DMXL1: variants seen among roughly 807,000 people sequenced by gnomAD.
The protein encoded by DMXL1 is dmX-like protein 1.
Under a neutral mutation model 319.2 loss-of-function variants are expected in DMXL1, and 99 were observed. The ratio of observed to expected loss-of-function variants is 0.31; its 90% CI spans 0.26 to 0.37. DMXL1 has a LOEUF of 0.37. DMXL1 is among the 10% of genes least tolerant of loss of function. The pLI, the probability that DMXL1 is intolerant of heterozygous loss-of-function variation, is 1.00. For missense variants in DMXL1, 3,745 were observed against 3,595.6 expected (o/e 1.04, Z -1.06); for synonymous variants, 1,385 against 1,235.2 (o/e 1.12, Z -2.54).
rs148648457 is a variant in DMXL1, at chr5:119,177,500, A to G, written c.6886+16A>G. ...CAATGGCCAGGTATAATTTTTATGT[A>G]TAGATCAGTTTTTTCTTAGTCTTAT... On this transcript the variant is annotated intron_variant, in intron 27 of 43. Transcript: ENST00000539542. The G allele has an allele frequency of 1.9e-6, 3 of 1,578,932 alleles. No individual in the cohort carries two copies. Among genetic ancestry groups the G allele is most frequent in the Non-Finnish European group, 2.6e-6 (3 of 1,166,564 alleles).
At chr5:119,124,450 A>G (rs777056188) in intron 9 of DMXL1, among the ~76,000 whole-genome samples, 2 of 152,102 alleles carry the variant, frequency 1.3e-5, no homozygotes, top group African/African-American at 4.8e-5. Context: ...TAAGCAGTCC[A>G]TCTTAGAATT....
At chr5:119,097,119 G>T (rs2149777371) in intron 1 of DMXL1, among the ~76,000 whole-genome samples, 1 of 152,288 alleles carries the variant, frequency 6.6e-6, no homozygotes, top group Non-Finnish European at 1.5e-5. Flanking sequence ...AACACCTTGA[G>T]ATGTAAAAAG....
At chr5:119,146,663 C>T (rs1768612060) in intron 15 of DMXL1, among the ~76,000 whole-genome samples, 174 bp from the exon 16 acceptor site, 1 of 151,978 alleles carries the variant, frequency 6.6e-6, no homozygotes, top group South Asian at 2.1e-4. Flanking sequence ...TAAGTTAATA[C>T]AAATTCATGT....
At chr5:119,202,001 A>G (rs1780793471) in intron 32 of DMXL1, among the ~76,000 whole-genome samples, 1 of 151,720 alleles carries the variant, frequency 6.6e-6, no homozygotes, top group South Asian at 2.1e-4. Flanking sequence ...CTGTCTTACT[A>G]ATTTTTTCAA....
chr5:119,226,608 T>G (rs567374409), intron 38 of DMXL1, among the ~76,000 whole-genome samples: 1 of 152,286 alleles, frequency 6.6e-6, no homozygotes, highest in Non-Finnish European at 1.5e-5. Context: ...TATAATTTGG[T>G]TTAATTATGA....
chr5:119,210,705 G>T (rs1252221692), intron 34 of DMXL1, among the ~76,000 whole-genome samples: 3 of 141,750 alleles, frequency 2.1e-5, no homozygotes, highest in African/African-American at 7.7e-5. Context: ...GTCATGTATT[G>T]TAAGTCATTC....
chr5:119,117,420 T>C (rs1313192060), intron 7 of DMXL1, among the ~76,000 whole-genome samples: 1 of 152,170 alleles, frequency 6.6e-6, no homozygotes, highest in Non-Finnish European at 1.5e-5. Flanking sequence ...TTCACTGTTC[T>C]ATGAATTTTG....
At chr5:119,197,610 C>T in intron 31 of DMXL1, 145 bp from the exon 32 acceptor site, 1 of 741,944 alleles carries the variant, frequency 1.3e-6, no homozygotes, top group Middle Eastern at 3.7e-4. Flanking sequence ...TGCACATCTT[C>T]CCTGCCAAAG....
At chr5:119,072,304 G>A (rs916486791) in intron 1 of DMXL1, among the ~76,000 whole-genome samples, 6 of 151,974 alleles carry the variant, frequency 3.9e-5, no homozygotes, top group Admixed American at 1.3e-4. Flanking sequence ...CAAGAAGAGG[G>A]CACCAAATTT....
chr5:119,173,776 G>GTA (rs758312462), intron 25 of DMXL1, among the ~76,000 whole-genome samples: 2,899 of 67,126 alleles, frequency 0.043, 345 homozygotes, highest in African/African-American at 0.064. Context: ...ATGTGTGTGT[G>GTA]TATATATATA....
chr5:119,212,790 T>C lies in DMXL1; in HGVS notation c.7927-4111T>C, dbSNP rs556108519. Among the ~76,000 whole-genome samples, 4 of 152,300 alleles carry C rather than the reference T, an allele frequency of 2.6e-5. No individual in the cohort carries two copies. The East Asian group carries it at 7.7e-4, about 29-fold the overall frequency. On this transcript the variant is annotated intron_variant, in intron 34 of 43. Coordinates refer to ENST00000539542, the MANE Select transcript of DMXL1 (RefSeq NM_001290321.3). ...CTATAATGTTATGTTGTGAGGCCTTTAACAAATAAAATTACATTCATAGCA... is the reference window on the plus strand; with the variant it reads ...CTATAATGTTATGTTGTGAGGCCTTCAACAAATAAAATTACATTCATAGCA...
intron 34 of DMXL1, among the ~76,000 whole-genome samples, chr5:119,213,678 G>T (rs910020023): frequency 6.6e-6 from 1 of 152,096 alleles, no homozygotes. Context: ...GAATGTCTCT[G>T]TGATCCTTTC....
rs1171908544 is a variant in DMXL1, at chr5:119,071,467, A to G, written c.-103A>G. ...GCCTGTCGCTGCTTCTGCCGTCGCC[A>G]CCGAAGAGCGGCCGCCGCCCCTGAG... On this transcript the variant is annotated 5_prime_UTR_variant, in exon 1 of 44. Coordinates refer to ENST00000539542, the MANE Select transcript of DMXL1 (RefSeq NM_001290321.3). 1 of 1,189,388 alleles carries G rather than the reference A, an allele frequency of 8.4e-7. No individual in the cohort carries two copies. The highest frequency in any genetic ancestry group is 2.7e-5 in the East Asian group (1 of 37,514). The allele number at this position is 1,189,388 out of a possible 1,614,324, so 73.7% of individuals were successfully genotyped here. A position where few individuals can be genotyped will look rare whatever the true frequency, so the allele number is the denominator to read the frequency against.
rs1050984522 is a variant in DMXL1, at chr5:119,101,784, G to A, written c.214-151G>A. 6.7e-5 allele frequency: 41 copies of A among 613,868 alleles called. 1 individual carries two copies. In the Admixed American group the frequency reaches 9.9e-4, roughly 15 times the overall value. The allele number at this position is 613,868 out of a possible 1,614,324, so 38.0% of individuals were successfully genotyped here. Reference sequence around the variant, plus strand: ...GCAGTTCTAGGATTCTAATGCAGATGTGATAGTCTTCAAAACTGACATTCT... The same window carrying A: ...GCAGTTCTAGGATTCTAATGCAGATATGATAGTCTTCAAAACTGACATTCT... On this transcript the variant is annotated intron_variant, in intron 2 of 43. Transcript: ENST00000539542.
rs1228709185 is a variant in DMXL1, at chr5:119,101,937, T to G, written c.216T>G (p.Ile72Met). ...AATTCTTTTTTTCTTTTTAAAAGATTGCAGCGTCTTATGGAAATGTTATCT... is the reference window on the plus strand; with the variant it reads ...AATTCTTTTTTTCTTTTTAAAAGATGGCAGCGTCTTATGGAAATGTTATCT... ...CVDCSMQQGK[I>M]AASYGNVISI... is the part of the protein sequence containing the mutation. The change falls in exon 3 of 44, where the codon ATT becomes ATG. Residue 72 changes from isoleucine (I) to methionine (M), a missense_variant and splice_region_variant. Physicochemically the swap from Ile to Met is conservative, Grantham distance 10. Around this residue, in one of 4 missense-constraint regions of DMXL1, gnomAD observed 2,096 missense variants for 1,985.4 expected, o/e 1.06. Coordinates refer to ENST00000539542, the MANE Select transcript of DMXL1 (RefSeq NM_001290321.3). 1 of 1,594,254 alleles carries G rather than the reference T, an allele frequency of 6.3e-7. No homozygotes were observed. The highest frequency in any genetic ancestry group is 8.5e-7 in the Non-Finnish European group (1 of 1,170,612).
rs1284186707 is a variant in DMXL1 at position 119,175,267 on chromosome 5, G to C, written c.6688G>C (p.Val2230Leu). The C allele has an allele frequency of 6.2e-7, 1 of 1,608,258 alleles. No homozygotes were observed. Among genetic ancestry groups the C allele is most frequent in the Non-Finnish European group, 8.5e-7 (1 of 1,177,094 alleles). ...TTTTGTTTTTGTTTTCCAGGTGTATGTAATGCATACTTTAGCAGCTTCACT... is the reference window on the plus strand; with the variant it reads ...TTTTGTTTTTGTTTTCCAGGTGTATCTAATGCATACTTTAGCAGCTTCACT... ...HPDIQSNKVYVMHTLAASLSA... is the reference protein window; with the variant it reads ...HPDIQSNKVYLMHTLAASLSA... The change falls in exon 26 of 44, where the codon GTA (valine) becomes CTA (leucine). Residue 2230 changes from valine to leucine, a missense_variant. Transcript: ENST00000539542.
intron 2 of DMXL1, chr5:119,100,515 C>G (rs1033842391): frequency 6.6e-6 from 1 of 151,658 alleles, no homozygotes; most frequent in Non-Finnish European, 1.5e-5. Context: ...TACTGTACTA[C>G]CACCTAATTC....
chr5:119,147,037 T>C (rs567921564), intron 16 of DMXL1, 81 bp downstream of exon 16: 1 of 1,503,736 alleles, frequency 6.7e-7, no homozygotes, highest in East Asian at 2.3e-5. Context: ...ATTTGGGACA[T>C]ATTTCTTAAA....
At chr5:119,145,470 G>T (rs536280404) in intron 15 of DMXL1, among the ~76,000 whole-genome samples, 3 of 151,814 alleles carry the variant, frequency 2.0e-5, no homozygotes, top group African/African-American at 7.2e-5. Flanking sequence ...CTCTGAACAT[G>T]TTGGAAGTAT....
Sources: allele counts gnomAD v4.1 joint callset (sites outside exome capture counted in the v4.1 genomes callset), GRCh38; gene constraint gnomAD v4.1.1; regional missense constraint gnomAD v4.1.1; transcripts MANE v1.5; gene names NCBI Gene and HGNC (gene_info 2026-07-23, HGNC 2026-07-21).